The following ARFGEF1 variants were observed in gnomAD, a reference collection of about 807,000 sequenced individuals.
ARFGEF1 encodes the protein brefeldin A-inhibited guanine nucleotide-exchange protein 1.
In ARFGEF1, 42 loss-of-function variants were observed where a neutral mutation model predicts 231.0. The ratio of observed to expected loss-of-function variants is 0.18; its 90% CI spans 0.14 to 0.24. The LOEUF is 0.24. ARFGEF1 is among the 10% of genes least tolerant of loss of function. The pLI, the probability that ARFGEF1 is intolerant of heterozygous loss-of-function variation, is 1.00. For synonymous variants in ARFGEF1, 710 were observed against 732.3 expected, an observed-to-expected ratio of 0.97 and a Z score of 0.49; for missense variants, 1,345 against 2,192.0, an observed-to-expected ratio of 0.61 and a Z score of 7.72.
At chr8:67,175,681 T>C (rs2129568719) in intron 5 of ARFGEF1, 3 of 612,446 alleles carry the variant, frequency 4.9e-6, no homozygotes, top group East Asian at 6.6e-5. Context: ...CCAGGAGGAC[T>C]GAATACTTTG....
chr8:67,313,437 T>A (rs1195177709), intron 1 of ARFGEF1, among the ~76,000 whole-genome samples: 3 of 152,208 alleles, frequency 2.0e-5, no homozygotes, highest in Non-Finnish European at 4.4e-5. Flanking sequence ...GGTCTAGGGC[T>A]GAAGGCTGTT....
chr8:67,183,738 A>G (rs1833610159), intron 5 of ARFGEF1, among the ~76,000 whole-genome samples: 1 of 152,158 alleles, frequency 6.6e-6, no homozygotes, highest in Non-Finnish European at 1.5e-5. Context: ...ATACCAACAG[A>G]AAATCTAGAC....
At chr8:67,294,155 A>T (rs576797527) in intron 5 of ARFGEF1, among the ~76,000 whole-genome samples, 8 of 152,270 alleles carry the variant, frequency 5.3e-5, no homozygotes, top group African/African-American at 1.9e-4. Context: ...TGTAGAGATG[A>T]TTTAAAGTAT....
At position 67,288,071 on chromosome 8, in the gene ARFGEF1, A is replaced by T. The variant is rs377085875; in HGVS notation, c.917-6T>A. 4 of 1,558,010 alleles carry T rather than the reference A, an allele frequency of 2.6e-6. No individual in the cohort carries two copies. Among genetic ancestry groups the T allele is most frequent in the Admixed American group, 4.0e-5 (2 of 49,690 alleles). The stretch of plus-strand genomic sequence containing the variant: ...CACTTCATTTTTAGATAATGCTTTA[A>T]AAGAAGAAAAATTCAACAGAACATT... On this transcript the variant is annotated splice_polypyrimidine_tract_variant and splice_region_variant and intron_variant, in intron 6 of 38. Coordinates refer to ENST00000262215, the MANE Select transcript of ARFGEF1 (RefSeq NM_006421.5).
At position 67,240,272 on chromosome 8, in the gene ARFGEF1, GA is replaced by G; in HGVS notation, c.2868del (p.Leu957TrpfsTer16). 1 of 1,602,980 alleles carries G rather than the reference GA, an allele frequency of 6.2e-7. No individual in the cohort carries two copies. The highest frequency in any genetic ancestry group is 1.1e-5 in the South Asian group (1 of 87,530). ...TGTAGACCCACACTGAATGCAGCCA[GA>G]AAAGGCGTCCAAGCCAACTACAAAA... ...RPMFKLAWTP[F>X]LAAFSVGLQD... On this transcript the variant is annotated frameshift_variant, in exon 20 of 39. Transcript: ENST00000262215. LOFTEE classifies it high-confidence loss of function.
At chr8:67,186,147 T>C (rs1164913907) in intron 5 of ARFGEF1, among the ~76,000 whole-genome samples, 1 of 152,208 alleles carries the variant, frequency 6.6e-6, no homozygotes, top group Non-Finnish European at 1.5e-5. Context: ...TTCCATCATT[T>C]CATTTCTGTA....
intron 29 of ARFGEF1, among the ~76,000 whole-genome samples, chr8:67,221,102 CAT>C (rs796166205): frequency 1.2e-4 from 18 of 152,262 alleles, no homozygotes; most frequent in African/African-American, 3.9e-4. Context: ...ACTTTACTCA[CAT>C]GTTTATGGTG....
chr8:67,266,285 T>C, intron 13 of ARFGEF1, 78 bp from the exon 14 acceptor site: 8 of 1,146,836 alleles, frequency 7.0e-6, no homozygotes, highest in Middle Eastern at 4.1e-4. Context: ...AATTCTTGAA[T>C]AAGGCAAGGC....
chr8:67,250,396 G>GAT (rs1409251192), intron 19 of ARFGEF1, among the ~76,000 whole-genome samples: 4 of 152,160 alleles, frequency 2.6e-5, no homozygotes, highest in Non-Finnish European at 4.4e-5. Flanking sequence ...TAGCTTGGAG[G>GAT]ATGTTTAAAT....
chr8:67,282,645 AGACCAGCCT>A (rs1805582402), intron 7 of ARFGEF1, among the ~76,000 whole-genome samples: 1 of 152,160 alleles, frequency 6.6e-6, no homozygotes, highest in Non-Finnish European at 1.5e-5. Flanking sequence ...CAGTAGTTCA[AGACCAGCCT>A]GGCCAACATG....
intron 5 of ARFGEF1, among the ~76,000 whole-genome samples, chr8:67,187,687 AAAAG>A (rs1275945107): frequency 6.6e-6 from 1 of 152,154 alleles, no homozygotes; most frequent in Non-Finnish European, 1.5e-5. Context: ...TTGTCTCAAA[AAAAG>A]AAAGAAATAG....
At chr8:67,312,996 G>A (rs1229973359) in intron 1 of ARFGEF1, among the ~76,000 whole-genome samples, 2 of 152,052 alleles carry the variant, frequency 1.3e-5, no homozygotes, top group African/African-American at 2.4e-5. Flanking sequence ...GCATGAAAAT[G>A]GACAACAAAA....
At chr8:67,295,644 T>C (rs1450006070) in intron 5 of ARFGEF1, among the ~76,000 whole-genome samples, 1 of 152,134 alleles carries the variant, frequency 6.6e-6, no homozygotes, top group Non-Finnish European at 1.5e-5. Context: ...GACTAAGACA[T>C]AAGAACTAAA....
intron 14 of ARFGEF1, among the ~76,000 whole-genome samples, chr8:67,264,038 T>A (rs1804748602): frequency 6.6e-6 from 1 of 152,064 alleles, no homozygotes; most frequent in African/African-American, 2.4e-5. Context: ...GACAGAAAAG[T>A]GGCAGGAAAT....
chr8:67,203,602 T>C (rs946628245), intron 35 of ARFGEF1, among the ~76,000 whole-genome samples: 2 of 152,214 alleles, frequency 1.3e-5, no homozygotes, highest in Admixed American at 1.3e-4. Context: ...AAAATGGCCA[T>C]GTCATCATGT....
intron 14 of ARFGEF1, among the ~76,000 whole-genome samples, chr8:67,265,202 T>C (rs994630759): frequency 6.6e-6 from 1 of 152,206 alleles, no homozygotes; most frequent in African/African-American, 2.4e-5. Flanking sequence ...AGAATATGTG[T>C]ACATTTTTGT....
rs1839763237 is a variant in ARFGEF1, at chr8:67,236,368, ATATATATATATATATATAT to A, written c.3289+1956_3289+1974del. On this transcript the variant is annotated intron_variant, in intron 22 of 38. Coordinates refer to ENST00000262215, the MANE Select transcript of ARFGEF1 (RefSeq NM_006421.5). The stretch of plus-strand genomic sequence containing the variant: ...ATTAGTTAAAAAAAAAAAAAAAAAT[ATATATATATATATATATAT>A]ATATATATATATATATATATATATG... Among the ~76,000 whole-genome samples the A allele has an allele frequency of 1.3e-3, 33 of 26,220 alleles. 1 individual carries two copies. Among genetic ancestry groups the A allele is most frequent in the Admixed American group, 2.5e-3 (5 of 2,026 alleles). The allele number at this position is 26,220 out of a possible 152,430, so 17.2% of individuals were successfully genotyped here.
intron 19 of ARFGEF1, among the ~76,000 whole-genome samples, chr8:67,243,823 C>T (rs763515591): frequency 2.0e-5 from 3 of 152,072 alleles, no homozygotes; most frequent in Non-Finnish European, 4.4e-5. Flanking sequence ...ACAGAGAATT[C>T]AAAAGAGCTG....
chr8:67,311,036 G>T (rs1312581354), intron 1 of ARFGEF1, among the ~76,000 whole-genome samples: 1 of 147,576 alleles, frequency 6.8e-6, no homozygotes, highest in Admixed American at 6.7e-5. Context: ...GGTGAGGGGC[G>T]CCTCTGCCCG....
Sources: gnomAD v4.1 joint callset for allele counts (sites outside exome capture counted in the v4.1 genomes callset) on GRCh38, gnomAD v4.1.1 for gene constraint, MANE v1.5 for transcripts, NCBI Gene and HGNC (gene_info 2026-07-23, HGNC 2026-07-21) for gene names.